TMEM94: variants seen among roughly 807,000 people sequenced by gnomAD.
The protein encoded by TMEM94 is ER Mg2+ ATPase.
In TMEM94, 81 loss-of-function variants were observed where a neutral mutation model predicts 158.6. That is an observed-to-expected ratio of 0.51 (90% CI 0.43 to 0.61). The LOEUF (loss-of-function observed/expected upper bound fraction) is 0.61. Among genes scored for constraint, TMEM94 ranks in the 20% least tolerant of loss-of-function variants. TMEM94 has a pLI of 0.00. For synonymous variants in TMEM94, 751 were observed against 730.7 expected, an observed-to-expected ratio of 1.03 and a Z score of -0.45; for missense variants, 1,435 against 1,762.0, an observed-to-expected ratio of 0.81 and a Z score of 3.32.
chr17:75,492,693 TC>T lies in TMEM94; in HGVS notation c.1818del (p.Asp607ThrfsTer58), dbSNP rs760924863. On this transcript the variant is annotated frameshift_variant, in exon 15 of 32. Coordinates refer to ENST00000314256, the MANE Select transcript of TMEM94 (RefSeq NM_014738.6). LOFTEE classifies it high-confidence loss of function. The surrounding 1 kb of genome is among the most constrained non-coding windows in gnomAD (Gnocchi z 4.4). ...CGTCACCGAGCGCCTGTGCCGATTCTCCGACCACCTGTGCAACATCGCCCTG... is the reference window on the plus strand; with the variant it reads ...CGTCACCGAGCGCCTGTGCCGATTCTCGACCACCTGTGCAACATCGCCCTG... ...ASVTERLCRF[S>X]DHLCNIALQE... 17 of 1,613,320 alleles carry T rather than the reference TC, an allele frequency of 1.1e-5. No homozygotes were observed. The highest frequency in any genetic ancestry group is 1.4e-5 in the Non-Finnish European group (17 of 1,179,968).
rs2052374603 is a variant in TMEM94 at position 75,493,196 on chromosome 17, G to A, written c.2086+94G>A. 4 of 1,336,718 alleles carry A rather than the reference G, an allele frequency of 3.0e-6. No homozygotes were observed. In the East Asian group the frequency reaches 9.9e-5, roughly 33 times the overall value. 82.8% of individuals were successfully genotyped at this position (1,336,718 alleles called of 1,614,324 possible). ...GCCCCACCCATTGCTAGGGAGGCCT[G>A]GGCAGATGAAAAGTAGACTGCTTCC... On this transcript the variant is annotated intron_variant, in intron 16 of 31. Transcript: ENST00000314256.
chr17:75,488,000 G>A lies in TMEM94; in HGVS notation c.478G>A (p.Ala160Thr). 1.2e-6 allele frequency: 2 copies of A among 1,614,172 alleles called. No homozygotes were observed. Among genetic ancestry groups the A allele is most frequent in the Admixed American group, 1.7e-5 (1 of 60,020 alleles). ...AMYPDLHMPFAPSWSLHWAYR... is the reference protein window; with the variant it reads ...AMYPDLHMPFTPSWSLHWAYR... ...GTATCCAGACCTCCACATGCCTTTT[G>A]CGCCATCCTGGTCCTTGCACTGGGC... The change falls in exon 6 of 32, where the codon GCG becomes ACG. Residue 160 changes from alanine (A) to threonine (T), a missense_variant. Ala to Thr is a moderately conservative substitution (Grantham distance 58). This residue lies in a region of TMEM94 where 1,051 missense variants were observed against 1,254.4 expected (regional missense o/e 0.84). Transcript: ENST00000314256. The surrounding 1 kb of genome is among the most constrained non-coding windows in gnomAD (Gnocchi z 4.6).
chr17:75,462,541 T>TA (rs2050114234), intron 1 of TMEM94, among the ~76,000 whole-genome samples: 1 of 151,220 alleles, frequency 6.6e-6, no homozygotes, highest in Admixed American at 6.6e-5. Flanking sequence ...ATTCCATTTT[T>TA]AAAAATATAC....
chr17:75,478,079 G>A (rs1351712646), intron 2 of TMEM94, among the ~76,000 whole-genome samples: 1 of 122,210 alleles, frequency 8.2e-6, no homozygotes, highest in Non-Finnish European at 1.7e-5. Flanking sequence ...GCAGTGGCGG[G>A]ATCTCGGCTC....
intron 9 of TMEM94, 139 bp from the exon 10 acceptor site, chr17:75,490,095 A>G: frequency 8.1e-7 from 1 of 1,234,614 alleles, no homozygotes; most frequent in Non-Finnish European, 1.1e-6. Flanking sequence ...AAAAAAAAGA[A>G]CACCTCTTTC....
rs2051981752 is a variant in TMEM94 at position 75,489,807 on chromosome 17, G to A, written c.954+145G>A. The A allele has an allele frequency of 8.2e-6, 6 of 730,940 alleles. No homozygotes were observed. The highest frequency in any genetic ancestry group is 2.3e-4 in the Middle Eastern group (1 of 4,272). The allele number at this position is 730,940 out of a possible 1,614,324, so 45.3% of individuals were successfully genotyped here. A position where few individuals can be genotyped will look rare whatever the true frequency, so the allele number is the denominator to read the frequency against. On this transcript the variant is annotated intron_variant, in intron 9 of 31. Transcript: ENST00000314256. This position sits in a 1 kb window ranked among gnomAD's most constrained non-coding sequence, Gnocchi z 5.0. ...TAAGAACACCTCTTTCCAGCTGGGC[G>A]TGGGGACTCAGGCCTGTAATCCAAG...
intron 2 of TMEM94, among the ~76,000 whole-genome samples, chr17:75,478,329 TA>T (rs57199058): frequency 0.82 from 80,256 of 97,612 alleles, 32,817 homozygotes; most frequent in Middle Eastern, 0.91. Context: ...GACTCCATCT[TA>T]AAAAAAAAAA....
In TMEM94 at chr17:75,486,312, G is replaced by A; in HGVS notation, c.295G>A (p.Ala99Thr). 3.1e-6 allele frequency: 5 copies of A among 1,614,170 alleles called. No homozygotes were observed. The highest frequency in any genetic ancestry group is 4.2e-6 in the Non-Finnish European group (5 of 1,180,008). ...AGSRGVGLVN[A>T]SALFLLLLLN... ...CAGCCGTGGGGTGGGGCTGGTGAAT[G>A]CCTCGGCCTTGTTCCTGTTACTGCT... Residue 99 changes from alanine (A) to threonine (T), a missense_variant, in exon 5 of 32, where the codon GCC (alanine) becomes ACC (threonine). Physicochemically the swap from Ala to Thr is moderately conservative, Grantham distance 58. Coordinates refer to ENST00000314256, the MANE Select transcript of TMEM94 (RefSeq NM_014738.6).
chr17:75,493,149 C>A, intron 16 of TMEM94, 47 bp downstream of exon 16: 1 of 1,583,390 alleles, frequency 6.3e-7, no homozygotes, highest in Non-Finnish European at 8.6e-7. Flanking sequence ...CCTTCCAGAG[C>A]TTGGCAGGGG....
At chr17:75,460,389 G>T (rs1010537477) in intron 1 of TMEM94, among the ~76,000 whole-genome samples, 19 of 152,192 alleles carry the variant, frequency 1.2e-4, no homozygotes, top group African/African-American at 2.2e-4. Flanking sequence ...AAAGATGTAT[G>T]CTGGACAAAG....
intron 11 of TMEM94, 93 bp downstream of exon 11, chr17:75,490,851 G>A: frequency 1.6e-6 from 2 of 1,219,446 alleles, no homozygotes; most frequent in Non-Finnish European, 2.4e-6. Flanking sequence ...CTCCAACCAG[G>A]CTCTTAGAGC....
At chr17:75,463,577 C>T (rs1191372665) in intron 1 of TMEM94, among the ~76,000 whole-genome samples, 2 of 152,106 alleles carry the variant, frequency 1.3e-5, no homozygotes, top group Non-Finnish European at 2.9e-5. Context: ...GTTAATGCAG[C>T]CTAAATGTGA....
At position 75,499,956 on chromosome 17, in the gene TMEM94, C is replaced by G. The variant is rs561814504; in HGVS notation, c.*622C>G. 2.5e-4 allele frequency: 39 copies of G among 154,526 alleles called. No homozygotes were observed. In the South Asian group the frequency reaches 7.9e-3, roughly 31 times the overall value. 9.6% of individuals were successfully genotyped at this position (154,526 alleles called of 1,614,324 possible). A position where few individuals can be genotyped will look rare whatever the true frequency, so the allele number is the denominator to read the frequency against. On this transcript the variant is annotated 3_prime_UTR_variant, in exon 32 of 32. Coordinates refer to ENST00000314256, the MANE Select transcript of TMEM94 (RefSeq NM_014738.6). ...TGGCTGCCTGTCAGTCTTGGGGAAT[C>G]TGGCCCAGGTCTCCTCAGCCTCTGC... is the stretch of plus-strand genomic sequence containing the variant.
At chr17:75,471,238 C>CAAA (rs763388343) in intron 1 of TMEM94, among the ~76,000 whole-genome samples, 1 of 69,998 alleles carries the variant, frequency 1.4e-5, no homozygotes, top group African/African-American at 4.4e-5. Context: ...GAATCCGTCT[C>CAAA]AAAAAAAAAA....
At position 75,492,464 on chromosome 17, in the gene TMEM94, T is replaced by C. The variant is rs1322407988; in HGVS notation, c.1597-10T>C. ...TCCCGGGCTGAGGCTCTCCTCCACA[T>C]TTCCCCCAGACCCAGCCTGGGATGG... On this transcript the variant is annotated splice_polypyrimidine_tract_variant and intron_variant, in intron 14 of 31. Transcript: ENST00000314256. This position sits in a 1 kb window ranked among gnomAD's most constrained non-coding sequence, Gnocchi z 4.4. 2.6e-6 allele frequency: 4 copies of C among 1,564,246 alleles called. No homozygotes were observed. The South Asian group carries it at 3.6e-5, about 14-fold the overall frequency.
intron 26 of TMEM94, 25 bp from the exon 27 acceptor site, chr17:75,497,756 C>G (rs200083786): frequency 1.9e-6 from 3 of 1,588,108 alleles, no homozygotes; most frequent in Non-Finnish European, 2.6e-6. Flanking sequence ...TGTCACCATC[C>G]CTCTACCTGA....
chr17:75,485,271 G>A lies in TMEM94; in HGVS notation c.25-157G>A. The A allele has an allele frequency of 1.4e-6, 1 of 728,760 alleles. No individual in the cohort carries two copies. Among genetic ancestry groups the A allele is most frequent in the East Asian group, 2.7e-5 (1 of 37,412 alleles). The allele number at this position is 728,760 out of a possible 1,614,324, so 45.1% of individuals were successfully genotyped here. A position where few individuals can be genotyped will look rare whatever the true frequency, so the allele number is the denominator to read the frequency against. On this transcript the variant is annotated intron_variant, in intron 2 of 31. Coordinates refer to ENST00000314256, the MANE Select transcript of TMEM94 (RefSeq NM_014738.6). The surrounding 1 kb of genome is among the most constrained non-coding windows in gnomAD (Gnocchi z 5.5). ...TTTGTAATTTGGTGGAGATGGACAT[G>A]GTCACACCTTGAGAGGCCAGAGCTG...
Position 75,495,392 on chromosome 17 carries a change from C to G in TMEM94, c.2837C>G (p.Ser946Cys). The G allele has an allele frequency of 6.2e-7, 1 of 1,613,458 alleles. No individual in the cohort carries two copies. The part of the protein sequence containing the change: ...DSDIPSFLED[S>C]NRAKLPRGIH... ...GACATCCCCAGCTTCCTGGAGGACT[C>G]CAACCGGGTACGATGGCAGGATCTG... Residue 946 changes from serine to cysteine, a missense_variant, in exon 21 of 32, where the codon TCC (serine) becomes TGC (cysteine). Ser to Cys is a moderately radical substitution (Grantham distance 112). This residue lies in a region of TMEM94 where 1,051 missense variants were observed against 1,254.4 expected (regional missense o/e 0.84). Coordinates refer to ENST00000314256, the MANE Select transcript of TMEM94 (RefSeq NM_014738.6). The surrounding 1 kb of genome is among the most constrained non-coding windows in gnomAD (Gnocchi z 5.6).
At position 75,495,862 on chromosome 17, in the gene TMEM94, C is replaced by T. The variant is rs2052630624; in HGVS notation, c.2945-104C>T. 2.3e-6 allele frequency: 2 copies of T among 886,432 alleles called. No homozygotes were observed. Among genetic ancestry groups the T allele is most frequent in the African/African-American group, 3.3e-5 (2 of 60,058 alleles). The allele number at this position is 886,432 out of a possible 1,614,324, so 54.9% of individuals were successfully genotyped here. A position where few individuals can be genotyped will look rare whatever the true frequency, so the allele number is the denominator to read the frequency against. On this transcript the variant is annotated intron_variant, in intron 22 of 31. Transcript: ENST00000314256. The surrounding 1 kb of genome is among the most constrained non-coding windows in gnomAD (Gnocchi z 5.6). ...GGGGTGGGATTGTTTCAAAGAGGGG[C>T]CCACCTCCCATCGCCTCCTGCTCTC...
Sources: allele counts gnomAD v4.1 joint callset (sites outside exome capture counted in the v4.1 genomes callset), GRCh38; gene constraint gnomAD v4.1.1; regional missense constraint gnomAD v4.1.1; non-coding constraint Gnocchi (gnomAD v3.1); transcripts MANE v1.5; gene names NCBI Gene and HGNC (gene_info 2026-07-23, HGNC 2026-07-21).